The following AHNAK2 variants were observed in gnomAD, a reference collection of about 807,000 sequenced individuals.
AHNAK2 encodes the protein protein AHNAK2.
A neutral mutation model predicts 30.7 loss-of-function variants in AHNAK2; 18 were observed. The observed-to-expected ratio is 0.59, with a 90% CI of 0.41 to 0.87. AHNAK2 has a LOEUF of 0.87. Among genes scored for constraint, AHNAK2 ranks in the 40% least tolerant of loss-of-function variants. The pLI is 0.00. For missense variants in AHNAK2, 8,604 were observed against 7,373.0 expected, an observed-to-expected ratio of 1.17 and a Z score of -6.11; for synonymous variants, 3,590 against 3,073.8, an observed-to-expected ratio of 1.17 and a Z score of -5.56.
chr14:104,955,869 T>C (rs1898958176), intron 4 of AHNAK2, among the ~76,000 whole-genome samples: 1 of 152,242 alleles, frequency 6.6e-6, no homozygotes, highest in Admixed American at 6.5e-5. Flanking sequence ...TGCCAGGACT[T>C]AGGCACAGCC....
chr14:104,952,621 C>T lies in AHNAK2; in HGVS notation c.2830G>A (p.Asp944Asn), dbSNP rs765220691. The change falls in exon 7 of 7, where the codon GAC (aspartate) becomes AAC (asparagine). Residue 944 changes from aspartate (D) to asparagine (N), a missense_variant. By Grantham distance (23) the Asp-to-Asn change is conservative. Coordinates refer to ENST00000333244, the MANE Select transcript of AHNAK2 (RefSeq NM_138420.4). ...ACTTCCGCCTTGGGGCCTTTCAGGT[C>T]CAGCTTGGGGCCCTTAACATCTATC... ...PQIDVKGPKL[D>N]LKGPKAEVTA... 6.2e-7 allele frequency: 1 copy of T among 1,612,514 alleles called. No homozygotes were observed. Among genetic ancestry groups the T allele is most frequent in the Non-Finnish European group, 8.5e-7 (1 of 1,179,606 alleles).
chr14:104,947,515 T>C lies in AHNAK2; in HGVS notation c.7936A>G (p.Ser2646Gly), dbSNP rs1358628635. ...LADKGVTAKD[S>G]KFKMPKFKMP... The stretch of plus-strand genomic sequence containing the variant: ...TTGAACTTGGGCATTTTGAACTTGC[T>C]ATCTTTGGCTGTCACACCCTTGTCG... The change falls in exon 7 of 7, where the codon AGC (serine) becomes GGC (glycine). Residue 2646 changes from serine (S) to glycine (G), a missense_variant. Transcript: ENST00000333244. The C allele has an allele frequency of 6.2e-7, 1 of 1,612,262 alleles. No individual in the cohort carries two copies. Among genetic ancestry groups the C allele is most frequent in the South Asian group, 1.1e-5 (1 of 90,994 alleles).
Position 104,938,174 on chromosome 14 carries a change from G to A in AHNAK2, c.17277C>T (p.Asp5759=). 5.0e-6 allele frequency: 8 copies of A among 1,613,954 alleles called. No individual in the cohort carries two copies. The African/African-American group carries it at 9.3e-5, about 19-fold the overall frequency. ...CCGCGGATGTCACCATCACTCTGGA[G>A]TCCAGCCCAGTGCCCACAGGCCCGA... ...ELIGPVGTGL[D]SRVMVTSAAR... The change falls in exon 7 of 7, where the codon GAC becomes GAT. Residue 5759 remains aspartate, a synonymous_variant. Transcript: ENST00000333244.
At position 104,953,148 on chromosome 14, in the gene AHNAK2, A is replaced by G. The variant is rs758938326; in HGVS notation, c.2303T>C (p.Met768Thr). Reference sequence around the variant, plus strand: ...GGGGCCCTTGAGGTCCACTTTGGGCATCTTCAAACTGGGCCTCTGCACCTT... The same window carrying G: ...GGGGCCCTTGAGGTCCACTTTGGGCGTCTTCAAACTGGGCCTCTGCACCTT... ...LPKVQRPSLK[M>T]PKVDLKGPKL... The change falls in exon 7 of 7, where the codon ATG becomes ACG. Residue 768 changes from methionine (M) to threonine (T), a missense_variant. Met to Thr is a moderately conservative substitution (Grantham distance 81). Transcript: ENST00000333244. 6.2e-7 allele frequency: 1 copy of G among 1,612,992 alleles called. No homozygotes were observed. The highest frequency in any genetic ancestry group is 1.1e-5 in the South Asian group (1 of 91,044).
At chr14:104,972,455 C>T (rs571504801) in intron 1 of AHNAK2, among the ~76,000 whole-genome samples, 37 of 152,270 alleles carry the variant, frequency 2.4e-4, no homozygotes, top group Non-Finnish European at 2.1e-4. Context: ...AGGAAGGAGA[C>T]GCTGGCACAG....
In AHNAK2 at chr14:104,953,418, G is replaced by C. The variant is rs144504264; in HGVS notation, c.2033C>G (p.Pro678Arg). 2.4e-3 allele frequency: 3,940 copies of C among 1,613,996 alleles called. 85 individuals carry two copies. The African/African-American group carries it at 0.047, about 19-fold the overall frequency. ...CCCGAACAATGGCATCTTGAACTTG[G>C]GCATTTTGAACTTGCTGTCTTTGGT... Reference protein sequence around the residue: ...VATKDSKFKMPKFKMPLFGAS... With the variant: ...VATKDSKFKMRKFKMPLFGAS... Residue 678 changes from proline (P) to arginine (R), a missense_variant, in exon 7 of 7, where the codon CCC (proline) becomes CGC (arginine). Transcript: ENST00000333244.
Position 104,941,129 on chromosome 14 carries a change from G to A in AHNAK2, c.14322C>T (p.Leu4774=). ...FAGFPSSRLD[L]TGPHFESSIL... ...TAGAAGATTCAAAGTGAGGACCAGT[G>A]AGATCAAGCCGGGATGATGGAAACC... Residue 4774 remains leucine, a synonymous_variant, in exon 7 of 7, where the codon CTC becomes CTT. Transcript: ENST00000333244. 1.2e-6 allele frequency: 2 copies of A among 1,613,612 alleles called. No homozygotes were observed. The highest frequency in any genetic ancestry group is 1.7e-6 in the Non-Finnish European group (2 of 1,179,892).
rs200347560 is a variant in AHNAK2, at chr14:104,951,292, G to C, written c.4159C>G (p.Leu1387Val). The part of the protein sequence containing the change: ...SIQPPSTDLE[L>V]QAGQLDVKLP... ...TTCACGTCCAATTGGCCAGCCTGGA[G>C]CTCCAGGTCAGTGGAAGGGGGCTGA... Residue 1387 changes from leucine (L) to valine (V), a missense_variant, in exon 7 of 7, where the codon CTC becomes GTC. Physicochemically the swap from Leu to Val is conservative, Grantham distance 32. Transcript: ENST00000333244. 632 of 1,053,866 alleles carry C rather than the reference G, an allele frequency of 6.0e-4. 210 individuals are homozygous for C. Among genetic ancestry groups the C allele is most frequent in the African/African-American group, 1.3e-3 (88 of 67,076 alleles). The allele number at this position is 1,053,866 out of a possible 1,614,324, so 65.3% of individuals were successfully genotyped here. A position where few individuals can be genotyped will look rare whatever the true frequency, so the allele number is the denominator to read the frequency against.
At position 104,939,599 on chromosome 14, in the gene AHNAK2, A is replaced by G. The variant is rs1897917504; in HGVS notation, c.15852T>C (p.Thr5284=). Residue 5284 remains threonine (T), a synonymous_variant, in exon 7 of 7, where the codon ACT becomes ACC. Coordinates refer to ENST00000333244, the MANE Select transcript of AHNAK2 (RefSeq NM_138420.4). The part of the protein sequence containing the change: ...DSTGLKLHLS[T]AGMTGDELST... ...AAAGCTCATCCCCAGTCATCCCAGCAGTGGAGAGGTGCAGCTTCAAGCCTG... is the reference window on the plus strand; with the variant it reads ...AAAGCTCATCCCCAGTCATCCCAGCGGTGGAGAGGTGCAGCTTCAAGCCTG... 2.5e-6 allele frequency: 4 copies of G among 1,613,732 alleles called. No individual in the cohort carries two copies. Among genetic ancestry groups the G allele is most frequent in the Admixed American group, 3.3e-5 (2 of 60,000 alleles).
intron 1 of AHNAK2, 62 bp from the exon 2 acceptor site, chr14:104,957,734 G>A (rs1899022518): frequency 1.3e-5 from 20 of 1,527,836 alleles, no homozygotes; most frequent in Non-Finnish European, 1.7e-5. Context: ...GGGGCCCGGG[G>A]GAGGGAGCCA....
At chr14:104,957,225 G>A (rs1196197507) in intron 3 of AHNAK2, among the ~76,000 whole-genome samples, 185 bp downstream of exon 3, 2 of 152,214 alleles carry the variant, frequency 1.3e-5, no homozygotes, top group African/African-American at 4.8e-5. Context: ...CCATCCCACT[G>A]TGCCCTGGCC....
chr14:104,963,778 T>A (rs1438305253), intron 1 of AHNAK2, among the ~76,000 whole-genome samples: 1 of 145,298 alleles, frequency 6.9e-6, no homozygotes, highest in Non-Finnish European at 1.5e-5. Flanking sequence ...TGCAGTGAGC[T>A]GAGATTGCGC....
At chr14:104,967,239 G>A (rs1899331238) in intron 1 of AHNAK2, among the ~76,000 whole-genome samples, 1 of 152,350 alleles carries the variant, frequency 6.6e-6, no homozygotes. Flanking sequence ...CCAGCTGGCA[G>A]GAGCCTGGAT....
chr14:104,938,519 C>A lies in AHNAK2; in HGVS notation c.16932G>T (p.Leu5644=). 3 of 1,613,590 alleles carry A rather than the reference C, an allele frequency of 1.9e-6. No homozygotes were observed. The highest frequency in any genetic ancestry group is 2.5e-6 in the Non-Finnish European group (3 of 1,179,770). Residue 5644 remains leucine, a synonymous_variant, in exon 7 of 7, where the codon CTG becomes CTT. Coordinates refer to ENST00000333244, the MANE Select transcript of AHNAK2 (RefSeq NM_138420.4). Reference sequence around the variant, plus strand: ...CAATGTTTGGAAGCCAAAACCAGAGCAGACCAGATTTTTTACTTTCTGGTT... The same window carrying A: ...CAATGTTTGGAAGCCAAAACCAGAGAAGACCAGATTTTTTACTTTCTGGTT... ...KDKPESKKSG[L]LWFWLPNIGF... is the part of the protein sequence containing the mutation.
In AHNAK2 at chr14:104,952,441, T is replaced by G. The variant is rs765728850; in HGVS notation, c.3010A>C (p.Lys1004Gln). 1 of 1,612,634 alleles carries G rather than the reference T, an allele frequency of 6.2e-7. No individual in the cohort carries two copies. The highest frequency in any genetic ancestry group is 1.1e-5 in the South Asian group (1 of 91,024). Residue 1004 changes from lysine to glutamine, a missense_variant, in exon 7 of 7, where the codon AAG becomes CAG. Lys to Gln is a moderately conservative substitution (Grantham distance 53). Coordinates refer to ENST00000333244, the MANE Select transcript of AHNAK2 (RefSeq NM_138420.4). ...GCCGATACCCCGAACGACGGCATCT[T>G]GAACTTGGGCATTTTGAACTTGCTG... ...KDSKFKMPKF[K>Q]MPSFGVSAPG... is the part of the protein sequence containing the mutation.
In AHNAK2 at chr14:104,938,050, T is replaced by C. The variant is rs1897861747; in HGVS notation, c.*13A>G. 6.2e-7 allele frequency: 1 copy of C among 1,608,424 alleles called. No individual in the cohort carries two copies. Among genetic ancestry groups the C allele is most frequent in the African/African-American group, 1.3e-5 (1 of 74,700 alleles). Reference sequence around the variant, plus strand: ...GTTTTTTGCATCTCTCTTGTACTGATGAGCCATACCTCTCAGCCTTCATTT... The same window carrying C: ...GTTTTTTGCATCTCTCTTGTACTGACGAGCCATACCTCTCAGCCTTCATTT... On this transcript the variant is annotated 3_prime_UTR_variant, in exon 7 of 7. Coordinates refer to ENST00000333244, the MANE Select transcript of AHNAK2 (RefSeq NM_138420.4).
At position 104,947,309 on chromosome 14, in the gene AHNAK2, C is replaced by A; in HGVS notation, c.8142G>T (p.Val2714=). 1 of 1,611,928 alleles carries A rather than the reference C, an allele frequency of 6.2e-7. No homozygotes were observed. Among genetic ancestry groups the A allele is most frequent in the Non-Finnish European group, 8.5e-7 (1 of 1,179,384 alleles). Residue 2714 remains valine (V), a synonymous_variant, in exon 7 of 7, where the codon GTG becomes GTT. Transcript: ENST00000333244. The stretch of plus-strand genomic sequence containing the variant: ...CGGGAACGTGGCCCTCTGGGAGTTT[C>A]ACATCCACCTGGCCAGCCTGGACCT... The part of the protein sequence containing the change: ...QLEVQAGQVD[V]KLPEGHVPEG...
At chr14:104,976,242 ACAGTCGGCAGCGCTGCGTGGGGTGGTCC>A (rs1368692009) in intron 1 of AHNAK2, among the ~76,000 whole-genome samples, 1 of 152,140 alleles carries the variant, frequency 6.6e-6, no homozygotes, top group Non-Finnish European at 1.5e-5. Flanking sequence ...GGCTGGTGTT[ACAGTCGGCAGCGCTGCGTGGGGTGGTCC>A]CAGCATGGCC....
In AHNAK2 at chr14:104,942,952, C is replaced by A. The variant is rs370739878; in HGVS notation, c.12499G>T (p.Val4167Leu). 2.5e-6 allele frequency: 4 copies of A among 1,613,398 alleles called. No individual in the cohort carries two copies. Among genetic ancestry groups the A allele is most frequent in the Non-Finnish European group, 3.4e-6 (4 of 1,179,670 alleles). The change falls in exon 7 of 7, where the codon GTG becomes TTG. Residue 4167 changes from valine to leucine, a missense_variant. Transcript: ENST00000333244. Reference protein sequence around the residue: ...DVSELKAKADVSLPSMQGDLK... With the variant: ...DVSELKAKADLSLPSMQGDLK... ...TCCCCCTGCATGGAGGGGAGGCTCA[C>A]GTCGGCTTTCGCCTTCAGCTCAGAC... is the stretch of plus-strand genomic sequence containing the variant.
Sources: gnomAD v4.1 joint callset for allele counts (sites outside exome capture counted in the v4.1 genomes callset) on GRCh38, gnomAD v4.1.1 for gene constraint, MANE v1.5 for transcripts, NCBI Gene and HGNC (gene_info 2026-07-23, HGNC 2026-07-21) for gene names.